MOXD1: variants seen among roughly 807,000 people sequenced by gnomAD.
MOXD1 encodes the protein DBH-like monooxygenase protein 1.
In MOXD1, 62 loss-of-function variants were observed where a neutral mutation model predicts 66.6. That is an observed-to-expected ratio of 0.93 (90% CI 0.76 to 1.15). The LOEUF (loss-of-function observed/expected upper bound fraction) is 1.15, where lower values mean the gene tolerates loss of function less well. MOXD1 is among the 50% of genes most tolerant of loss of function. The pLI, the probability that MOXD1 is intolerant of heterozygous loss-of-function variation, is 0.00. For missense variants in MOXD1, 847 were observed against 754.6 expected, an observed-to-expected ratio of 1.12 and a Z score of -1.44; for synonymous variants, 303 against 281.9, an observed-to-expected ratio of 1.07 and a Z score of -0.75.
At chr6:132,333,015 G>T (rs1277122890) in intron 4 of MOXD1, among the ~76,000 whole-genome samples, 1 of 152,104 alleles carries the variant, frequency 6.6e-6, no homozygotes, top group Admixed American at 6.6e-5. Context: ...TTGTAATGAT[G>T]ACAGAGTTAT....
intron 10 of MOXD1, among the ~76,000 whole-genome samples, chr6:132,310,019 A>C (rs533892941): frequency 1.3e-5 from 2 of 152,214 alleles, no homozygotes; most frequent in Non-Finnish European, 2.9e-5. Context: ...AATTAAACTA[A>C]AGAACTTCTG....
intron 1 of MOXD1, chr6:132,390,929 A>C (rs1404513673): frequency 1.3e-5 from 2 of 151,614 alleles, no homozygotes; most frequent in East Asian, 3.8e-4. Flanking sequence ...TTTGTTTAAA[A>C]TGTATCTGAT....
chr6:132,323,892 G>C (rs931989706), intron 7 of MOXD1, 39 bp downstream of exon 7: 3 of 1,516,808 alleles, frequency 2.0e-6, no homozygotes, highest in East Asian at 4.8e-5. Flanking sequence ...GAGCATTGAT[G>C]AATCTGCAGA....
At chr6:132,375,031 T>C in intron 1 of MOXD1, 1 of 564,144 alleles carries the variant, frequency 1.8e-6, no homozygotes, top group Non-Finnish European at 3.1e-6. Context: ...TGAATGAACA[T>C]TTGATACCAT....
At chr6:132,341,422 C>A (rs1250133855) in intron 4 of MOXD1, among the ~76,000 whole-genome samples, 1 of 152,176 alleles carries the variant, frequency 6.6e-6, no homozygotes, top group African/African-American at 2.4e-5. Flanking sequence ...TTTGTTATAG[C>A]AACACAGACT....
At chr6:132,396,867 T>A (rs1384568727) in intron 1 of MOXD1, among the ~76,000 whole-genome samples, 1 of 152,156 alleles carries the variant, frequency 6.6e-6, no homozygotes, top group East Asian at 1.9e-4. Flanking sequence ...GTAATGAGAT[T>A]GAATCAGTAA....
At chr6:132,341,325 T>C (rs1562287500) in intron 4 of MOXD1, among the ~76,000 whole-genome samples, 1 of 152,314 alleles carries the variant, frequency 6.6e-6, no homozygotes, top group East Asian at 1.9e-4. Flanking sequence ...CAGACACCAA[T>C]GACAGTGCCT....
intron 10 of MOXD1, among the ~76,000 whole-genome samples, chr6:132,314,965 CT>C (rs1774909537): frequency 6.6e-6 from 1 of 152,162 alleles, no homozygotes; most frequent in Non-Finnish European, 1.5e-5. Flanking sequence ...GAAAGGCCTG[CT>C]TGCAAGGATA....
At chr6:132,382,268 G>T (rs1477525858) in intron 1 of MOXD1, among the ~76,000 whole-genome samples, 1 of 152,000 alleles carries the variant, frequency 6.6e-6, no homozygotes, top group Non-Finnish European at 1.5e-5. Flanking sequence ...TATAAATTTT[G>T]TAAGAATTTA....
rs182324561 is a variant in MOXD1 at position 132,339,616 on chromosome 6, C to T, written c.664-11022G>A. Among the ~76,000 whole-genome samples, 586 of 152,320 alleles carry T rather than the reference C, an allele frequency of 3.8e-3. 3 individuals carry two copies. Among genetic ancestry groups the T allele is most frequent in the Middle Eastern group, 0.027 (8 of 294 alleles). ...TACATCTTTTGGCTAAGAATGATCC[C>T]CAACTTCCTTGGGTGGCCTAAGCCC... On this transcript the variant is annotated intron_variant, in intron 4 of 11. Coordinates refer to ENST00000367963, the MANE Select transcript of MOXD1 (RefSeq NM_015529.4).
At chr6:132,331,562 C>G (rs953725166) in intron 4 of MOXD1, among the ~76,000 whole-genome samples, 8 of 152,160 alleles carry the variant, frequency 5.3e-5, no homozygotes, top group Admixed American at 5.2e-4. Context: ...CAATTTATCC[C>G]TGGAATAATA....
At chr6:132,321,429 G>T (rs888710399) in intron 8 of MOXD1, among the ~76,000 whole-genome samples, 3 of 152,098 alleles carry the variant, frequency 2.0e-5, no homozygotes, top group African/African-American at 7.2e-5. Flanking sequence ...CTCTAGTCAT[G>T]CCTTTATTTC....
chr6:132,341,096 T>A (rs1775552078), intron 4 of MOXD1, among the ~76,000 whole-genome samples: 1 of 152,236 alleles, frequency 6.6e-6, no homozygotes, highest in African/African-American at 2.4e-5. Context: ...GCTATTGGTC[T>A]GAATGTGTCC....
At chr6:132,348,059 C>T (rs567834066) in intron 4 of MOXD1, among the ~76,000 whole-genome samples, 1 of 152,222 alleles carries the variant, frequency 6.6e-6, no homozygotes, top group African/African-American at 2.4e-5. Flanking sequence ...TAGGTAGATA[C>T]CCCCGACTCC....
At chr6:132,384,241 TCTTCCTTCCTTCCTTCCTTCCTTC>T (rs149111930) in intron 1 of MOXD1, among the ~76,000 whole-genome samples, 46 of 112,484 alleles carry the variant, frequency 4.1e-4, no homozygotes, top group East Asian at 2.0e-3. Context: ...TCCCTCCCTC[TCTTCCTTCCTTCCTTCCTTCCTTC>T]CTTCCTTCCT....
intron 4 of MOXD1, among the ~76,000 whole-genome samples, chr6:132,367,529 T>C (rs1339478099): frequency 1.3e-5 from 2 of 152,072 alleles, no homozygotes; most frequent in African/African-American, 2.4e-5. Context: ...TAATCCTCTC[T>C]TAAAACCCAG....
At chr6:132,359,952 C>A (rs1775984528) in intron 4 of MOXD1, among the ~76,000 whole-genome samples, 1 of 152,128 alleles carries the variant, frequency 6.6e-6, no homozygotes, top group Non-Finnish European at 1.5e-5. Context: ...TCAAAAAATC[C>A]ATTTATCCTG....
intron 4 of MOXD1, among the ~76,000 whole-genome samples, chr6:132,361,519 C>A (rs1424080193): frequency 1.3e-5 from 2 of 152,210 alleles, no homozygotes; most frequent in African/African-American, 4.8e-5. Flanking sequence ...ATATGAAGGG[C>A]ATTTTACTAG....
chr6:132,358,600 G>T (rs1775953085), intron 4 of MOXD1, among the ~76,000 whole-genome samples: 2 of 152,072 alleles, frequency 1.3e-5, no homozygotes, highest in Non-Finnish European at 2.9e-5. Context: ...TTATATATGG[G>T]TATATACTAA....
Sources: gnomAD v4.1 joint callset for allele counts (sites outside exome capture counted in the v4.1 genomes callset) on GRCh38, gnomAD v4.1.1 for gene constraint, MANE v1.5 for transcripts, NCBI Gene and HGNC (gene_info 2026-07-23, HGNC 2026-07-21) for gene names.